PRRC2B: variants seen among roughly 807,000 people sequenced by gnomAD.
The protein encoded by PRRC2B is proline rich coiled-coil 2B.
Under a neutral mutation model 242.3 loss-of-function variants are expected in PRRC2B, and 68 were observed. That is an observed-to-expected ratio of 0.28 (90% CI 0.23 to 0.34). The LOEUF (loss-of-function observed/expected upper bound fraction) is 0.34. PRRC2B is among the 10% of genes least tolerant of loss of function. PRRC2B has a pLI of 1.00. For missense variants in PRRC2B, 2,835 were observed against 2,954.8 expected, an observed-to-expected ratio of 0.96 and a Z score of 0.94; for synonymous variants, 1,228 against 1,173.6, an observed-to-expected ratio of 1.05 and a Z score of -0.95.
intron 19 of PRRC2B, among the ~76,000 whole-genome samples, chr9:131,481,178 C>T (rs1156913669): frequency 3.3e-5 from 5 of 151,682 alleles, no homozygotes; most frequent in African/African-American, 9.7e-5. Flanking sequence ...GGCGTGGTGG[C>T]GGGCACCTAT....
chr9:131,443,228 G>T (rs912089537), intron 5 of PRRC2B, among the ~76,000 whole-genome samples: 1 of 151,596 alleles, frequency 6.6e-6, no homozygotes. Context: ...CCATCTCCTG[G>T]GTTCACGCCA....
chr9:131,446,469 A>C lies in PRRC2B; in HGVS notation c.682A>C (p.Thr228Pro), dbSNP rs763847507. 2 of 1,613,474 alleles carry C rather than the reference A, an allele frequency of 1.2e-6. No individual in the cohort carries two copies. The highest frequency in any genetic ancestry group is 1.3e-5 in the African/African-American group (1 of 74,810). The change falls in exon 7 of 32, where the codon ACT (threonine) becomes CCT (proline). Residue 228 changes from threonine to proline, a missense_variant. Physicochemically the swap from Thr to Pro is conservative, Grantham distance 38 (BLOSUM62 -1). Coordinates refer to ENST00000683519, the MANE Select transcript of PRRC2B (RefSeq NM_013318.4). This position sits in a 1 kb window ranked among gnomAD's most constrained non-coding sequence, Gnocchi z 4.1. ...TGCCACGTCTCTGAGCACCTCCCCA[A>C]CTGAGCTGGGCAGCAGGAACTCGAG... ...ISATSLSTSP[T>P]ELGSRNSSTG... is the part of the protein sequence containing the mutation.
At position 131,475,415 on chromosome 9, in the gene PRRC2B, G is replaced by A. The variant is rs575672835; in HGVS notation, c.3286G>A (p.Ala1096Thr). The A allele has an allele frequency of 1.3e-6, 2 of 1,577,444 alleles. No homozygotes were observed. Among genetic ancestry groups the A allele is most frequent in the African/African-American group, 2.7e-5 (2 of 73,558 alleles). ...CCTCTGTGGTGGGGGGGTCCTGGGG[G>A]CCCGCAGCATCTACTGCAGCAGTCA... The part of the protein sequence containing the change: ...SGLCGGGVLG[A>T]RSIYCSSQRS... Residue 1096 changes from alanine (A) to threonine (T), a missense_variant, in exon 16 of 32, where the codon GCC becomes ACC. Physicochemically the swap from Ala to Thr is moderately conservative, Grantham distance 58. Coordinates refer to ENST00000683519, the MANE Select transcript of PRRC2B (RefSeq NM_013318.4).
chr9:131,412,797 C>CTCT (rs1554757980), intron 1 of PRRC2B, among the ~76,000 whole-genome samples: 41 of 138,044 alleles, frequency 3.0e-4, no homozygotes, highest in Admixed American at 1.7e-3. Context: ...CTCTCTCTCT[C>CTCT]TTTTTTTTTT....
intron 5 of PRRC2B, among the ~76,000 whole-genome samples, chr9:131,441,813 A>G (rs1838589009): frequency 6.6e-6 from 1 of 152,234 alleles, no homozygotes; most frequent in African/African-American, 2.4e-5. Flanking sequence ...ATGTTTGGGC[A>G]GAGGTCAGAG....
Position 131,446,525 on chromosome 9 carries a change from T to C in PRRC2B, c.738T>C (p.Cys246=), listed in dbSNP as rs2131388470. The C allele has an allele frequency of 6.2e-7, 1 of 1,613,958 alleles. No homozygotes were observed. Among genetic ancestry groups the C allele is most frequent in the Non-Finnish European group, 8.5e-7 (1 of 1,179,868 alleles). ...GAGATGGAGCCCCCTCCTCGGCATG[T>C]ACCAGCGATTCTAAGGACCCCTCTC... ...STGDGAPSSA[C]TSDSKDPSLR... The change falls in exon 7 of 32, where the codon TGT becomes TGC. Residue 246 remains cysteine, a synonymous_variant. Transcript: ENST00000683519. The surrounding 1 kb of genome is among the most constrained non-coding windows in gnomAD (Gnocchi z 4.1).
chr9:131,428,704 A>AT (rs887478128), intron 1 of PRRC2B, among the ~76,000 whole-genome samples: 3 of 151,360 alleles, frequency 2.0e-5, no homozygotes, highest in African/African-American at 4.9e-5. Context: ...GCCTATTTTA[A>AT]TTTTTTTAGA....
intron 1 of PRRC2B, among the ~76,000 whole-genome samples, chr9:131,373,890 TC>T (rs1429363252): frequency 6.6e-6 from 1 of 152,144 alleles, no homozygotes; most frequent in East Asian, 1.9e-4. Flanking sequence ...AAACCCCGTC[TC>T]TACTAAAAAT....
intron 1 of PRRC2B, among the ~76,000 whole-genome samples, chr9:131,417,541 G>A (rs1837693070): frequency 6.6e-6 from 1 of 152,106 alleles, no homozygotes; most frequent in Non-Finnish European, 1.5e-5. Context: ...CCTGGGTGAA[G>A]GGAGGTTTTC....
intron 1 of PRRC2B, among the ~76,000 whole-genome samples, chr9:131,394,617 G>A (rs1444809576): frequency 1.3e-5 from 2 of 151,218 alleles, no homozygotes; most frequent in African/African-American, 4.8e-5. Flanking sequence ...GCAGAGGCCG[G>A]AGGGGCGGGG....
intron 30 of PRRC2B, among the ~76,000 whole-genome samples, chr9:131,493,844 G>A (rs977745796): frequency 1.3e-5 from 2 of 152,132 alleles, no homozygotes; most frequent in South Asian, 2.1e-4. Context: ...CTCTGCACAC[G>A]GCACTTAGGC....
At chr9:131,398,951 C>T (rs1837143375) in intron 1 of PRRC2B, among the ~76,000 whole-genome samples, 1 of 151,956 alleles carries the variant, frequency 6.6e-6, no homozygotes, top group African/African-American at 2.4e-5. Flanking sequence ...GCACTCTAGC[C>T]TGGGCGACAG....
At chr9:131,459,527 C>T (rs1441935072) in intron 11 of PRRC2B, among the ~76,000 whole-genome samples, 171 bp downstream of exon 11, 1 of 152,208 alleles carries the variant, frequency 6.6e-6, no homozygotes, top group Admixed American at 6.5e-5. Context: ...TTGTCTCAAA[C>T]TCCAGCTCAA....
rs780015009 is a variant in PRRC2B at position 131,476,010 on chromosome 9, C to G, written c.3881C>G (p.Ala1294Gly). The G allele has an allele frequency of 4.5e-5, 73 of 1,606,740 alleles. 2 individuals are homozygous for G. In the South Asian group the frequency reaches 7.2e-4, roughly 16 times the overall value. ...GAACACGTGGCAGATTCTGAAAATGCAGAGAACCGGCCCTTCAGGAGAAGG... is the reference window on the plus strand; with the variant it reads ...GAACACGTGGCAGATTCTGAAAATGGAGAGAACCGGCCCTTCAGGAGAAGG... ...QDEHVADSEN[A>G]ENRPFRRRRP... The change falls in exon 16 of 32, where the codon GCA (alanine) becomes GGA (glycine). Residue 1294 changes from alanine to glycine, a missense_variant. Around this residue, in one of 7 missense-constraint regions of PRRC2B, gnomAD observed 1,536 missense variants for 1,483.1 expected, o/e 1.04. Transcript: ENST00000683519.
At chr9:131,410,669 AGTGGTTT>A (rs1283353583) in intron 1 of PRRC2B, among the ~76,000 whole-genome samples, 1 of 152,116 alleles carries the variant, frequency 6.6e-6, no homozygotes, top group Non-Finnish European at 1.5e-5. Context: ...CCCTTCTCTG[AGTGGTTT>A]ATCTATTTTG....
At chr9:131,493,319 C>T (rs1415201805) in intron 30 of PRRC2B, among the ~76,000 whole-genome samples, 1 of 152,166 alleles carries the variant, frequency 6.6e-6, no homozygotes, top group Non-Finnish European at 1.5e-5. Context: ...GTTTTCCTAC[C>T]ATGTCTGTCA....
intron 11 of PRRC2B, 44 bp downstream of exon 11, chr9:131,459,400 A>T (rs952925971): frequency 1.3e-6 from 2 of 1,525,338 alleles, no homozygotes; most frequent in Non-Finnish European, 1.8e-6. Context: ...TACTTCATTG[A>T]GTTGGGTGGC....
intron 2 of PRRC2B, among the ~76,000 whole-genome samples, chr9:131,430,522 G>GATATCTATAT (rs1564281522): frequency 1.2e-5 from 1 of 83,364 alleles, no homozygotes; most frequent in Non-Finnish European, 2.7e-5. Context: ...TAGATAGATA[G>GATATCTATAT]ATAGATATCT....
chr9:131,489,464 AG>A (rs1319875748), intron 28 of PRRC2B, among the ~76,000 whole-genome samples: 1 of 152,054 alleles, frequency 6.6e-6, no homozygotes, highest in East Asian at 1.9e-4. Context: ...TACAGGTGTT[AG>A]CCACCACACC....
Sources: gnomAD v4.1 joint callset for allele counts (sites outside exome capture counted in the v4.1 genomes callset) on GRCh38, gnomAD v4.1.1 for gene constraint, gnomAD v4.1.1 regional missense constraint, Gnocchi (gnomAD v3.1) non-coding constraint, MANE v1.5 for transcripts, NCBI Gene and HGNC (gene_info 2026-07-23, HGNC 2026-07-21) for gene names.